Variants in GXYLT1 observed in about 807,000 individuals in gnomAD.
The protein encoded by GXYLT1 is glucoside xylosyltransferase 1.
Under a neutral mutation model 54.0 loss-of-function variants are expected in GXYLT1, and 29 were observed. That is an observed-to-expected ratio of 0.54 (90% CI 0.40 to 0.73). GXYLT1 has a LOEUF of 0.73. GXYLT1 is among the 30% of genes least tolerant of loss of function. GXYLT1 has a pLI of 0.00. For missense variants in GXYLT1, 490 were observed against 553.4 expected, an observed-to-expected ratio of 0.89 and a Z score of 1.15; for synonymous variants, 176 against 204.1, an observed-to-expected ratio of 0.86 and a Z score of 1.17.
rs558893796 is a variant in GXYLT1, at chr12:42,107,584, G to A, written c.613-1515C>T. Among the ~76,000 whole-genome samples, 29 of 152,162 alleles carry A rather than the reference G, an allele frequency of 1.9e-4. No homozygotes were observed. The South Asian group carries it at 4.6e-3, about 24-fold the overall frequency. ...CGCATGCCTGTAATCCAAGCTACTC[G>A]GGAGGCTGGGGCAGGAGAACCGCTT... On this transcript the variant is annotated intron_variant, in intron 4 of 7. Coordinates refer to ENST00000398675, the MANE Select transcript of GXYLT1 (RefSeq NM_173601.2).
At chr12:42,110,809 A>T (rs1179471278) in intron 3 of GXYLT1, among the ~76,000 whole-genome samples, 1 of 152,232 alleles carries the variant, frequency 6.6e-6, no homozygotes, top group Non-Finnish European at 1.5e-5. Context: ...TCAAAATAAA[A>T]TCTTAGTCAC....
rs76055313 is a variant in GXYLT1, at chr12:42,100,264, T to G, written c.865-2231A>C. Among the ~76,000 whole-genome samples, 891 of 152,294 alleles carry G rather than the reference T, an allele frequency of 5.9e-3. 18 individuals carry two copies. The highest frequency in any genetic ancestry group is 0.029 in the East Asian group (152 of 5,184). On this transcript the variant is annotated intron_variant, in intron 5 of 7. Coordinates refer to ENST00000398675, the MANE Select transcript of GXYLT1 (RefSeq NM_173601.2). ...CACAGCAGTTCACATAGTGTGCTACTATGTAAATTTTTTCTATGTCCTCAA... is the reference window on the plus strand; with the variant it reads ...CACAGCAGTTCACATAGTGTGCTACGATGTAAATTTTTTCTATGTCCTCAA...
At chr12:42,110,511 C>T (rs2065446905) in intron 3 of GXYLT1, among the ~76,000 whole-genome samples, 1 of 152,196 alleles carries the variant, frequency 6.6e-6, no homozygotes, top group Non-Finnish European at 1.5e-5. Context: ...AATGCCTTTA[C>T]TTCCAACACT....
intron 4 of GXYLT1, among the ~76,000 whole-genome samples, chr12:42,106,347 G>T (rs1393482911): frequency 2.0e-5 from 3 of 152,126 alleles, no homozygotes; most frequent in African/African-American, 7.2e-5. Context: ...TCAAAGATCA[G>T]GGAGGAAATG....
chr12:42,099,841 A>G (rs2065379407), intron 5 of GXYLT1, among the ~76,000 whole-genome samples: 1 of 152,090 alleles, frequency 6.6e-6, no homozygotes, highest in African/African-American at 2.4e-5. Flanking sequence ...ACAGAATGAG[A>G]CCCTGTCTCA....
rs1271911001 is a variant in GXYLT1, at chr12:42,085,337, G to C, written c.*2449C>G. Reference sequence around the variant, plus strand: ...TGTAAATAAGCCACAACATGAGTGAGACCACAGCATACAGTCCAGTTGGAT... The same window carrying C: ...TGTAAATAAGCCACAACATGAGTGACACCACAGCATACAGTCCAGTTGGAT... On this transcript the variant is annotated 3_prime_UTR_variant, in exon 8 of 8. Coordinates refer to ENST00000398675, the MANE Select transcript of GXYLT1 (RefSeq NM_173601.2). The C allele has an allele frequency of 6.6e-6, 1 of 152,272 alleles. No homozygotes were observed. The highest frequency in any genetic ancestry group is 1.5e-5 in the Non-Finnish European group (1 of 68,062). The allele number at this position is 152,272 out of a possible 1,614,324, so 9.4% of individuals were successfully genotyped here.
In GXYLT1 at chr12:42,105,749, T is replaced by C. The variant is rs1592108112; in HGVS notation, c.864+69A>G. The C allele has an allele frequency of 1.7e-5, 20 of 1,180,366 alleles. No homozygotes were observed. The South Asian group carries it at 2.5e-4, about 15-fold the overall frequency. The allele number at this position is 1,180,366 out of a possible 1,614,324, so 73.1% of individuals were successfully genotyped here. ...GTTCAATTTAGTTTTTAATAAAATT[T>C]AGTTTTATTAAAAACAATTTAGAAG... On this transcript the variant is annotated intron_variant, in intron 5 of 7. Transcript: ENST00000398675.
chr12:42,105,762 A>T (rs2065415603), intron 5 of GXYLT1, 56 bp downstream of exon 5: 1 of 1,444,770 alleles, frequency 6.9e-7, no homozygotes, highest in Non-Finnish European at 9.4e-7. Flanking sequence ...TTTTATTAAA[A>T]ACAATTTAGA....
At chr12:42,131,660 A>C (rs907695587) in intron 1 of GXYLT1, among the ~76,000 whole-genome samples, 2 of 152,226 alleles carry the variant, frequency 1.3e-5, no homozygotes, top group African/African-American at 2.4e-5. Flanking sequence ...AAGAGAAGAA[A>C]ATGTGTATGT....
intron 1 of GXYLT1, among the ~76,000 whole-genome samples, chr12:42,135,771 G>A (rs1000459380): frequency 2.6e-5 from 4 of 152,196 alleles, no homozygotes; most frequent in Admixed American, 2.0e-4. Context: ...AAGTAGACTC[G>A]TGGTTGCTCA....
intron 1 of GXYLT1, among the ~76,000 whole-genome samples, chr12:42,141,278 A>C (rs2065651134): frequency 6.6e-6 from 1 of 152,180 alleles, no homozygotes. Flanking sequence ...CCATGAACAA[A>C]GTTTTGTCTT....
intron 7 of GXYLT1, among the ~76,000 whole-genome samples, chr12:42,091,731 C>A (rs762172558): frequency 3.3e-5 from 5 of 152,206 alleles, no homozygotes; most frequent in Non-Finnish European, 7.3e-5. Context: ...TACACTAGAA[C>A]TGTAGCCTAC....
chr12:42,139,027 G>C (rs1296198383), intron 1 of GXYLT1, among the ~76,000 whole-genome samples: 1 of 148,108 alleles, frequency 6.8e-6, no homozygotes, highest in Non-Finnish European at 1.5e-5. Flanking sequence ...AATGGAGCGA[G>C]ACTCTGTCTC....
intron 2 of GXYLT1, among the ~76,000 whole-genome samples, chr12:42,121,287 G>T (rs1565576924): frequency 6.6e-6 from 1 of 152,164 alleles, no homozygotes; most frequent in Non-Finnish European, 1.5e-5. Flanking sequence ...ATGCTGTTTT[G>T]TAGAGCATCA....
chr12:42,131,787 A>G (rs1000114745), intron 1 of GXYLT1, among the ~76,000 whole-genome samples: 8 of 152,208 alleles, frequency 5.3e-5, no homozygotes, highest in Non-Finnish European at 1.5e-5. Flanking sequence ...TGATGGTAAT[A>G]ACAACTAACA....
intron 3 of GXYLT1, among the ~76,000 whole-genome samples, chr12:42,113,812 T>C (rs2065474770): frequency 6.6e-6 from 1 of 150,946 alleles, no homozygotes; most frequent in Non-Finnish European, 1.5e-5. Flanking sequence ...CCACCCCAAA[T>C]CAACAGAATA....
intron 3 of GXYLT1, among the ~76,000 whole-genome samples, chr12:42,115,254 C>G (rs563242757): frequency 0.024 from 3,693 of 152,238 alleles, 152 homozygotes; most frequent in African/African-American, 0.084. Flanking sequence ...CACTCCTATT[C>G]AACATAGTGT....
intron 5 of GXYLT1, among the ~76,000 whole-genome samples, chr12:42,100,638 T>C (rs1198497798): frequency 1.3e-5 from 2 of 151,722 alleles, no homozygotes; most frequent in East Asian, 3.9e-4. Flanking sequence ...ACACAGTAAA[T>C]AGTAATTATA....
At chr12:42,114,501 C>T (rs1171334170) in intron 3 of GXYLT1, among the ~76,000 whole-genome samples, 1 of 152,164 alleles carries the variant, frequency 6.6e-6, no homozygotes, top group East Asian at 1.9e-4. Context: ...ACTATAAAGA[C>T]CTCTACGCAA....
Sources: allele counts gnomAD v4.1 joint callset (sites outside exome capture counted in the v4.1 genomes callset), GRCh38; gene constraint gnomAD v4.1.1; transcripts MANE v1.5; gene names NCBI Gene and HGNC (gene_info 2026-07-23, HGNC 2026-07-21).